Variants in USP42 observed in about 807,000 individuals in gnomAD.
The protein encoded by USP42 is ubiquitin carboxyl-terminal hydrolase 42.
A neutral mutation model predicts 113.0 loss-of-function variants in USP42; 23 were observed. That is an observed-to-expected ratio of 0.20 (90% CI 0.15 to 0.29). USP42 has a LOEUF of 0.29. Ranked by LOEUF, USP42 falls within the 10% of genes least tolerant of loss-of-function variation. The pLI is 1.00. For synonymous variants in USP42, 933 were observed against 699.0 expected (o/e 1.33, Z -5.28); for missense variants, 2,174 against 1,779.8 (o/e 1.22, Z -3.99).
Position 6,157,408 on chromosome 7 carries a change from A to AT in USP42, c.3943+359dup. ...TATTTTATTTTATTTTATTTATTTT[A>AT]TTTTTTGAGACGGAGTCTTGCTCTA... On this transcript the variant is annotated intron_variant, in intron 16 of 17. Coordinates refer to ENST00000306177, the MANE Select transcript of USP42 (RefSeq NM_032172.3). This position sits in a 1 kb window ranked among gnomAD's most constrained non-coding sequence, Gnocchi z 4.1. 1 of 979,792 alleles carries AT rather than the reference A, an allele frequency of 1.0e-6. No individual in the cohort carries two copies. Among genetic ancestry groups the AT allele is most frequent in the Middle Eastern group, 5.2e-4 (1 of 1,938 alleles). The allele number at this position is 979,792 out of a possible 1,614,324, so 60.7% of individuals were successfully genotyped here.
At chr7:6,140,337 A>T in intron 6 of USP42, 142 bp downstream of exon 6, 1 of 737,714 alleles carries the variant, frequency 1.4e-6, no homozygotes, top group Non-Finnish European at 2.2e-6. Context: ...ACCCAGAGGC[A>T]GCCTCGGTGC....
At chr7:6,084,992 T>G in the USP42 span, among the ~76,000 whole-genome samples, 2 of 151,168 alleles carry the variant, frequency 1.3e-5, no homozygotes, top group Admixed American at 1.3e-4. Flanking sequence ...GTGCTGCGAT[T>G]ACAGGTGCGA....
Position 6,149,743 on chromosome 7 carries a change from A to T in USP42, c.1547A>T (p.His516Leu). The change falls in exon 13 of 18, where the codon CAT (histidine) becomes CTT (leucine). Residue 516 changes from histidine to leucine, a missense_variant. Coordinates refer to ENST00000306177, the MANE Select transcript of USP42 (RefSeq NM_032172.3). ...SVNRSSVIPE[H>L]PKKQKITISI... ...AATAGGTCCTCAGTGATCCCAGAAC[A>T]TCCTAAGAAACAAAAAATTACAATC... 6 of 1,613,982 alleles carry T rather than the reference A, an allele frequency of 3.7e-6. No individual in the cohort carries two copies. The highest frequency in any genetic ancestry group is 5.1e-6 in the Non-Finnish European group (6 of 1,179,882).
chr7:6,142,304 C>T (rs1480596696), intron 7 of USP42, among the ~76,000 whole-genome samples: 3 of 151,600 alleles, frequency 2.0e-5, no homozygotes, highest in Non-Finnish European at 2.9e-5. Flanking sequence ...GCAACCTCCA[C>T]CTCCTGGGTT....
intron 14 of USP42, 100 bp downstream of exon 14, chr7:6,150,606 G>A: frequency 1.0e-6 from 1 of 988,580 alleles, no homozygotes; most frequent in Non-Finnish European, 1.6e-6. Context: ...ATTTTATAAT[G>A]AACATTTTGA....
At chr7:6,094,207 T>A in the USP42 span, among the ~76,000 whole-genome samples, 2 of 150,734 alleles carry the variant, frequency 1.3e-5, no homozygotes, top group African/African-American at 5.0e-5. Flanking sequence ...AGGGTCTTGC[T>A]TTGTCACCCA....
At chr7:6,153,028 T>C (rs1782162443) in intron 14 of USP42, 1 of 909,918 alleles carries the variant, frequency 1.1e-6, no homozygotes, top group Non-Finnish European at 1.3e-6. Flanking sequence ...CCCAGCACTT[T>C]GGGAGGCTGA....
chr7:6,150,490 T>C lies in USP42; in HGVS notation c.2185T>C (p.Ser729Pro). 1 of 1,613,952 alleles carries C rather than the reference T, an allele frequency of 6.2e-7. No individual in the cohort carries two copies. Among genetic ancestry groups the C allele is most frequent in the Non-Finnish European group, 8.5e-7 (1 of 1,179,864 alleles). ...CAGGCTTAGCAACAAACTGAAAGGC[T>C]CGACGGATGAAATGAGGTAACGTAA... The part of the protein sequence containing the change: ...TFRLSNKLKG[S>P]TDEMSAPGAE... The change falls in exon 14 of 18, where the codon TCG (serine) becomes CCG (proline). Residue 729 changes from serine to proline, a missense_variant. Transcript: ENST00000306177.
the USP42 span, among the ~76,000 whole-genome samples, chr7:6,097,245 C>T: frequency 2.0e-4 from 30 of 151,194 alleles, 3 homozygotes; most frequent in African/African-American, 5.4e-4. Flanking sequence ...CCTGGTAAAA[C>T]GGTGTTTTCC....
chr7:6,120,256 G>A (rs1217818285), intron 3 of USP42, among the ~76,000 whole-genome samples: 2 of 151,806 alleles, frequency 1.3e-5, no homozygotes, highest in Non-Finnish European at 2.9e-5. Context: ...GAGCCACTGC[G>A]CCCGGCCCTT....
Position 6,139,771 on chromosome 7 carries a change from C to T in USP42, c.657-357C>T, listed in dbSNP as rs1177818043. 8.6e-6 allele frequency: 3 copies of T among 349,980 alleles called. No individual in the cohort carries two copies. Among genetic ancestry groups the T allele is most frequent in the South Asian group, 8.3e-5 (3 of 36,100 alleles). The allele number at this position is 349,980 out of a possible 1,614,324, so 21.7% of individuals were successfully genotyped here. Reference sequence around the variant, plus strand: ...TGTCCGGGTGATGACATACTTGGGTCGGAGGAAGACTCTCTGCCTTTTCCG... The same window carrying T: ...TGTCCGGGTGATGACATACTTGGGTTGGAGGAAGACTCTCTGCCTTTTCCG... On this transcript the variant is annotated intron_variant, in intron 5 of 17. Transcript: ENST00000306177. The surrounding 1 kb of genome is among the most constrained non-coding windows in gnomAD (Gnocchi z 4.5).
intron 10 of USP42, among the ~76,000 whole-genome samples, 167 bp downstream of exon 10, chr7:6,145,823 A>G (rs1315140215): frequency 1.3e-5 from 2 of 152,192 alleles, no homozygotes; most frequent in South Asian, 2.1e-4. Flanking sequence ...TAATCCCTAC[A>G]CTTTGGGAGA....
At chr7:6,085,404 C>T in the USP42 span, 13 of 150,592 alleles carry the variant, frequency 8.6e-5, 1 homozygote, top group Non-Finnish European at 1.3e-4. Flanking sequence ...GGATTTTAGG[C>T]GTGGGCCACC....
Position 6,158,967 on chromosome 7 carries a change from C to T in USP42, c.3944-483C>T, listed in dbSNP as rs541291293. Among the ~76,000 whole-genome samples, 3 of 152,192 alleles carry T rather than the reference C, an allele frequency of 2.0e-5. No individual in the cohort carries two copies. Among genetic ancestry groups the T allele is most frequent in the East Asian group, 3.9e-4 (2 of 5,172 alleles). On this transcript the variant is annotated intron_variant, in intron 16 of 17. Coordinates refer to ENST00000306177, the MANE Select transcript of USP42 (RefSeq NM_032172.3). This position sits in a 1 kb window ranked among gnomAD's most constrained non-coding sequence, Gnocchi z 4.2. ...TGTCTGTGTGGTGGCCCTGTGTTTC[C>T]GTCCCCGTCCCACTGCACCGATGAC...
chr7:6,151,113 G>A (rs181928850), intron 14 of USP42, among the ~76,000 whole-genome samples: 126 of 152,306 alleles, frequency 8.3e-4, no homozygotes, highest in Non-Finnish European at 1.4e-3. Flanking sequence ...TAAAAATATG[G>A]TATAAGAGGA....
Position 6,155,139 on chromosome 7 carries a change from C to A in USP42, c.3585C>A (p.His1195Gln). ...TAGAAGAGCCTAAAGCAAAGAAGCA[C>A]AAAAAATCAAAGAAGAAAAAGAAAT... Reference protein sequence around the residue: ...DPLEEPKAKKHKKSKKKKKSK... With the variant: ...DPLEEPKAKKQKKSKKKKKSK... The change falls in exon 15 of 18, where the codon CAC becomes CAA. Residue 1195 changes from histidine to glutamine, a missense_variant. His to Gln is a conservative substitution (Grantham distance 24). Coordinates refer to ENST00000306177, the MANE Select transcript of USP42 (RefSeq NM_032172.3). The A allele has an allele frequency of 6.5e-7, 1 of 1,548,446 alleles. No homozygotes were observed. Among genetic ancestry groups the A allele is most frequent in the African/African-American group, 1.4e-5 (1 of 72,290 alleles).
chr7:6,111,469 C>G lies in USP42; in HGVS notation c.241+95C>G. On this transcript the variant is annotated intron_variant, in intron 2 of 17. Transcript: ENST00000306177. ...TCAGAGAGGGGCTTATTTTGCAAGG[C>G]GTGAGGCCACCTGAGTGGCCAGCAG... 4.1e-6 allele frequency: 6 copies of G among 1,456,982 alleles called. No individual in the cohort carries two copies. In the South Asian group the frequency reaches 8.2e-5, roughly 20 times the overall value. The allele number at this position is 1,456,982 out of a possible 1,614,324, so 90.3% of individuals were successfully genotyped here. A position where few individuals can be genotyped will look rare whatever the true frequency, so the allele number is the denominator to read the frequency against.
chr7:6,156,187 A>G (rs911062962), intron 15 of USP42, among the ~76,000 whole-genome samples: 1 of 152,258 alleles, frequency 6.6e-6, no homozygotes, highest in African/African-American at 2.4e-5. Context: ...ACCAAAAGCC[A>G]TATGGAAAAT....
intron 3 of USP42, among the ~76,000 whole-genome samples, chr7:6,124,762 C>T (rs1424106275): frequency 1.3e-5 from 2 of 151,646 alleles, no homozygotes; most frequent in African/African-American, 4.8e-5. Context: ...AATCTTTTTC[C>T]TGCCTTCTTT....
Sources: allele counts gnomAD v4.1 joint callset (sites outside exome capture counted in the v4.1 genomes callset), GRCh38; gene constraint gnomAD v4.1.1; non-coding constraint Gnocchi (gnomAD v3.1); transcripts MANE v1.5; gene names NCBI Gene and HGNC (gene_info 2026-07-23, HGNC 2026-07-21).